The following NXPE2 variants were observed in gnomAD, a reference collection of about 807,000 sequenced individuals.
The protein encoded by NXPE2 is neurexophilin and PC-esterase domain family member 2, also known as NXPE family member 2.
A neutral mutation model predicts 34.4 loss-of-function variants in NXPE2; 34 were observed. The observed-to-expected ratio is 0.99, with a 90% CI of 0.75 to 1.31. The LOEUF (loss-of-function observed/expected upper bound fraction) is 1.31. Among genes scored for constraint, NXPE2 ranks in the 40% most tolerant of loss-of-function variants. NXPE2 has a pLI of 0.00. For synonymous variants in NXPE2, 235 were observed against 231.3 expected (o/e 1.02, Z -0.15); for missense variants, 649 against 672.5 (o/e 0.97, Z 0.39).
At chr11:114,601,819 A>G in the NXPE2 span, among the ~76,000 whole-genome samples, 1 of 71,174 alleles carries the variant, frequency 1.4e-5, no homozygotes, top group Non-Finnish European at 2.3e-5. Context: ...ATATAATTAT[A>G]TATAATATAT....
the NXPE2 span, among the ~76,000 whole-genome samples, chr11:114,605,614 G>T: frequency 2.6e-5 from 4 of 152,030 alleles, no homozygotes; most frequent in Non-Finnish European, 5.9e-5. Flanking sequence ...TTACCCGGTG[G>T]ATAATAAGTG....
At chr11:114,491,273 G>A in the NXPE2 span, among the ~76,000 whole-genome samples, 1 of 151,356 alleles carries the variant, frequency 6.6e-6, no homozygotes, top group Non-Finnish European at 1.5e-5. Context: ...ATCTGACGAA[G>A]GGCTAATATC....
the NXPE2 span, among the ~76,000 whole-genome samples, chr11:114,573,234 C>A: frequency 6.6e-6 from 1 of 152,064 alleles, no homozygotes; most frequent in African/African-American, 2.4e-5. Context: ...GTTATCAAAG[C>A]ACACCAAAAT....
At chr11:114,485,121 G>A in the NXPE2 span, among the ~76,000 whole-genome samples, 5 of 152,150 alleles carry the variant, frequency 3.3e-5, no homozygotes, top group East Asian at 5.8e-4. Flanking sequence ...CATACAATGT[G>A]TATTAAACAC....
At chr11:114,532,663 C>T in the NXPE2 span, among the ~76,000 whole-genome samples, 13 of 151,996 alleles carry the variant, frequency 8.6e-5, no homozygotes, top group Admixed American at 5.9e-4. Context: ...AAAGTACAGG[C>T]CCATTTTATT....
At chr11:114,605,540 G>C in the NXPE2 span, among the ~76,000 whole-genome samples, 1 of 151,142 alleles carries the variant, frequency 6.6e-6, no homozygotes, top group South Asian at 2.1e-4. Context: ...TGGATAATGT[G>C]TTGCCTCATG....
the NXPE2 span, among the ~76,000 whole-genome samples, chr11:114,725,974 A>ATATATATATATATATATATATATATATAT: frequency 2.1e-4 from 7 of 32,796 alleles, no homozygotes; most frequent in Middle Eastern, 0.011. Context: ...TAATAAAAAA[A>ATATATATATATATATATATATATATATAT]AAATATATAT....
the NXPE2 span, among the ~76,000 whole-genome samples, chr11:114,601,814 A>T: frequency 1.4e-5 from 1 of 69,794 alleles, no homozygotes; most frequent in African/African-American, 7.2e-5. Flanking sequence ...ATATTATATA[A>T]TTATATATAA....
the NXPE2 span, among the ~76,000 whole-genome samples, chr11:114,749,417 A>G: frequency 6.6e-6 from 1 of 152,146 alleles, no homozygotes; most frequent in Non-Finnish European, 1.5e-5. Flanking sequence ...CAAATCCCTT[A>G]TATAAAATGG....
chr11:114,700,640 A>C (rs771698882), intron 3 of NXPE2, among the ~76,000 whole-genome samples: 2 of 152,220 alleles, frequency 1.3e-5, no homozygotes, highest in African/African-American at 2.4e-5. Context: ...AATGCCTGAC[A>C]CTGAGAAAGT....
the NXPE2 span, among the ~76,000 whole-genome samples, chr11:114,806,057 C>A: frequency 6.6e-6 from 1 of 152,172 alleles, no homozygotes; most frequent in East Asian, 1.9e-4. Flanking sequence ...TGTTCTGCAG[C>A]CACCGCTGCT....
At chr11:114,497,596 G>A in the NXPE2 span, among the ~76,000 whole-genome samples, 1 of 152,212 alleles carries the variant, frequency 6.6e-6, no homozygotes, top group Non-Finnish European at 1.5e-5. Context: ...TAGCCTAGGA[G>A]CAATAGGCAA....
At chr11:114,581,635 A>G in the NXPE2 span, 1 of 1,041,600 alleles carries the variant, frequency 9.6e-7, no homozygotes. Flanking sequence ...TGCTGATAGG[A>G]CTGAAACAGT....
At chr11:114,494,609 G>C in the NXPE2 span, among the ~76,000 whole-genome samples, 2 of 152,066 alleles carry the variant, frequency 1.3e-5, no homozygotes, top group Non-Finnish European at 2.9e-5. Context: ...TTTCTTCTCT[G>C]TTATCCTGGA....
chr11:114,500,814 G>T, the NXPE2 span, among the ~76,000 whole-genome samples: 1 of 152,052 alleles, frequency 6.6e-6, no homozygotes, highest in South Asian at 2.1e-4. Flanking sequence ...AGAGGTCAGG[G>T]TTCATTATTT....
At position 114,679,578 on chromosome 11, in the gene NXPE2, T is replaced by C. The variant is rs988642136; in HGVS notation, c.27-79T>C. The C allele has an allele frequency of 6.3e-6, 5 of 796,900 alleles. No homozygotes were observed. The South Asian group carries it at 1.1e-4, about 17-fold the overall frequency. The allele number at this position is 796,900 out of a possible 1,614,324, so 49.4% of individuals were successfully genotyped here. On this transcript the variant is annotated intron_variant, in intron 1 of 5. Coordinates refer to ENST00000389586, the MANE Select transcript of NXPE2 (RefSeq NM_182495.6). ...AACATCACCTTGTTCTGGAAATTACTGAAGAGGAACCAAAGTGTACGGAGC... is the reference window on the plus strand; with the variant it reads ...AACATCACCTTGTTCTGGAAATTACCGAAGAGGAACCAAAGTGTACGGAGC...
At chr11:114,644,846 AG>A in the NXPE2 span, among the ~76,000 whole-genome samples, 1 of 152,114 alleles carries the variant, frequency 6.6e-6, no homozygotes, top group African/African-American at 2.4e-5. Flanking sequence ...ACTGTAATTA[AG>A]ACAGTGTAGC....
the NXPE2 span, among the ~76,000 whole-genome samples, chr11:114,752,285 T>G: frequency 2.0e-5 from 3 of 152,212 alleles, no homozygotes; most frequent in African/African-American, 7.2e-5. Context: ...AGGAAGAGGC[T>G]TCCGGGAGAT....
the NXPE2 span, among the ~76,000 whole-genome samples, chr11:114,626,024 T>C: frequency 6.6e-6 from 1 of 152,208 alleles, no homozygotes; most frequent in Non-Finnish European, 1.5e-5. Context: ...CAAAGGGTCC[T>C]ACGCCCACGG....
Sources: allele counts gnomAD v4.1 joint callset (sites outside exome capture counted in the v4.1 genomes callset), GRCh38; gene constraint gnomAD v4.1.1; transcripts MANE v1.5; gene names NCBI Gene and HGNC (gene_info 2026-07-23, HGNC 2026-07-21).